The following AGBL4 variants were observed in gnomAD, a reference collection of about 807,000 sequenced individuals.
AGBL4 encodes the protein AGBL carboxypeptidase 4.
A neutral mutation model predicts 66.4 loss-of-function variants in AGBL4; 58 were observed. The observed-to-expected ratio is 0.87, with a 90% confidence interval of 0.71 to 1.09. The LOEUF (loss-of-function observed/expected upper bound fraction) is 1.09. AGBL4 is among the 50% of genes least tolerant of loss of function. The probability of loss-of-function intolerance (pLI) is 0.00; values close to 1 mark genes in which losing one functional copy is unlikely to be tolerated. For missense variants in AGBL4, 579 were observed against 631.0 expected, an observed-to-expected ratio of 0.92 and a Z score of 0.88; for synonymous variants, 234 against 222.9, an observed-to-expected ratio of 1.05 and a Z score of -0.44.
chr1:48,923,119 A>G (rs1654235382), intron 5 of AGBL4, among the ~76,000 whole-genome samples: 1 of 151,600 alleles, frequency 6.6e-6, no homozygotes. Context: ...TAATTATTGT[A>G]TTATACATAT....
At chr1:48,945,413 C>G (rs1456208077) in intron 5 of AGBL4, among the ~76,000 whole-genome samples, 1 of 152,152 alleles carries the variant, frequency 6.6e-6, no homozygotes, top group African/African-American at 2.4e-5. Context: ...CTAGCTCAAG[C>G]ATTTTAATGC....
chr1:48,736,546 T>C lies in AGBL4; in HGVS notation c.635-73305A>G. ...TTTAAAAAGCATTGCTGCACAACTG[T>C]AAGAGATTCATGTCATAAATATGAA... On this transcript the variant is annotated intron_variant, in intron 6 of 13. Coordinates refer to ENST00000371839, the MANE Select transcript of AGBL4 (RefSeq NM_032785.4). The surrounding 1 kb of genome is among the most constrained non-coding windows in gnomAD (Gnocchi z 4.0). 1 of 1,063,226 alleles carries C rather than the reference T, an allele frequency of 9.4e-7. No individual in the cohort carries two copies. Among genetic ancestry groups the C allele is most frequent in the Non-Finnish European group, 1.4e-6 (1 of 707,374 alleles). 65.9% of individuals were successfully genotyped at this position (1,063,226 alleles called of 1,614,324 possible).
chr1:49,025,127 T>C (rs1309988698), intron 5 of AGBL4, among the ~76,000 whole-genome samples: 1 of 152,188 alleles, frequency 6.6e-6, no homozygotes, highest in Non-Finnish European at 1.5e-5. Flanking sequence ...ATGCACCTAA[T>C]TTCTTTCTTA....
chr1:49,182,425 C>G (rs1646945369), intron 4 of AGBL4, among the ~76,000 whole-genome samples: 2 of 152,184 alleles, frequency 1.3e-5, no homozygotes, highest in South Asian at 4.1e-4. Context: ...TATCCATAAT[C>G]TGGAGTGAGG....
At chr1:49,935,213 A>G (rs1171656526) in intron 1 of AGBL4, among the ~76,000 whole-genome samples, 1 of 152,220 alleles carries the variant, frequency 6.6e-6, no homozygotes, top group African/African-American at 2.4e-5. Flanking sequence ...TCCTACACCC[A>G]CAGAGTCTCG....
At chr1:48,577,364 C>T (rs554118026) in intron 11 of AGBL4, among the ~76,000 whole-genome samples, 2 of 152,322 alleles carry the variant, frequency 1.3e-5, no homozygotes, top group South Asian at 2.1e-4. Flanking sequence ...TCTTTATCAT[C>T]GACTTGGTTT....
chr1:48,769,981 T>G (rs1644729635), intron 6 of AGBL4, among the ~76,000 whole-genome samples: 1 of 152,054 alleles, frequency 6.6e-6, no homozygotes, highest in African/African-American at 2.4e-5. Context: ...CTAACCAAAC[T>G]CTCCCATAGT....
chr1:48,844,006 C>T (rs1170262289), intron 6 of AGBL4, among the ~76,000 whole-genome samples: 1 of 152,202 alleles, frequency 6.6e-6, no homozygotes, highest in Non-Finnish European at 1.5e-5. Flanking sequence ...GTCCTCACAT[C>T]TGTCCTGTGA....
At chr1:49,932,705 C>T (rs1280832551) in intron 1 of AGBL4, among the ~76,000 whole-genome samples, 1 of 152,018 alleles carries the variant, frequency 6.6e-6, no homozygotes, top group African/African-American at 2.4e-5. Context: ...CACTTTCCTC[C>T]CCACAAACCC....
chr1:49,902,429 A>G (rs769748067), intron 1 of AGBL4, among the ~76,000 whole-genome samples: 5 of 152,232 alleles, frequency 3.3e-5, no homozygotes, highest in Admixed American at 1.3e-4. Flanking sequence ...ATATGAAAAA[A>G]TGCTCAACAT....
At chr1:48,612,131 A>G (rs1249592971) in intron 9 of AGBL4, among the ~76,000 whole-genome samples, 2 of 152,256 alleles carry the variant, frequency 1.3e-5, no homozygotes, top group African/African-American at 4.8e-5. Context: ...GAGTGTGCTC[A>G]ATACTTTGTG....
intron 3 of AGBL4, among the ~76,000 whole-genome samples, chr1:49,656,682 G>C (rs775879138): frequency 5.3e-4 from 80 of 152,082 alleles, no homozygotes; most frequent in Non-Finnish European, 5.6e-4. Context: ...TTCATCCCTG[G>C]GATGCAAGGC....
At chr1:49,560,968 G>A (rs1020144978) in intron 3 of AGBL4, among the ~76,000 whole-genome samples, 4 of 152,030 alleles carry the variant, frequency 2.6e-5, no homozygotes, top group African/African-American at 4.8e-5. Context: ...AAGGGACTTC[G>A]ATCAGGAAGA....
intron 4 of AGBL4, among the ~76,000 whole-genome samples, chr1:49,057,469 A>T (rs1424470367): frequency 6.6e-6 from 1 of 152,196 alleles, no homozygotes; most frequent in Non-Finnish European, 1.5e-5. Flanking sequence ...CACTTCCTAG[A>T]TTAAAATTCA....
At chr1:49,801,305 T>C (rs1028271549) in intron 2 of AGBL4, among the ~76,000 whole-genome samples, 2 of 152,108 alleles carry the variant, frequency 1.3e-5, no homozygotes, top group Non-Finnish European at 2.9e-5. Flanking sequence ...ACAATCTGAG[T>C]AAGTTAGGAA....
At chr1:49,988,081 C>T (rs1053366922) in intron 1 of AGBL4, among the ~76,000 whole-genome samples, 4 of 151,874 alleles carry the variant, frequency 2.6e-5, no homozygotes, top group African/African-American at 9.7e-5. Context: ...TTGCTATATG[C>T]ATATTTAGCT....
chr1:50,003,387 A>C (rs1660909973), intron 1 of AGBL4, among the ~76,000 whole-genome samples: 1 of 152,244 alleles, frequency 6.6e-6, no homozygotes, highest in African/African-American at 2.4e-5. Context: ...TTAGATTCAG[A>C]AAACAAATAT....
chr1:49,176,643 G>T (rs368804547), intron 4 of AGBL4, among the ~76,000 whole-genome samples: 1 of 152,064 alleles, frequency 6.6e-6, no homozygotes, highest in Non-Finnish European at 1.5e-5. Context: ...TGGACTTTGC[G>T]CAAACTGCTT....
chr1:49,734,809 C>CA (rs1649733392), intron 2 of AGBL4, among the ~76,000 whole-genome samples: 2 of 129,874 alleles, frequency 1.5e-5, no homozygotes, highest in Admixed American at 1.6e-4. Context: ...TAGCAAATAG[C>CA]AAAAAATTTT....
Sources: gnomAD v4.1 joint callset for allele counts (sites outside exome capture counted in the v4.1 genomes callset) on GRCh38, gnomAD v4.1.1 for gene constraint, Gnocchi (gnomAD v3.1) non-coding constraint, MANE v1.5 for transcripts, NCBI Gene and HGNC (gene_info 2026-07-23, HGNC 2026-07-21) for gene names.